The following FARS2 variants were observed in gnomAD, a reference collection of about 807,000 sequenced individuals.
The protein encoded by FARS2 is phenylalanyl-tRNA synthetase 2, mitochondrial.
FARS2 carries 40 observed loss-of-function variants against 46.4 expected under a neutral mutation model. That is an observed-to-expected ratio of 0.86 (90% CI 0.67 to 1.12). FARS2 has a LOEUF of 1.12. Ranked by LOEUF, FARS2 falls within the 50% of genes most tolerant of loss-of-function variation. The pLI, the probability that FARS2 is intolerant of heterozygous loss-of-function variation, is 0.00. For synonymous variants in FARS2, 234 were observed against 214.9 expected, an observed-to-expected ratio of 1.09 and a Z score of -0.78; for missense variants, 513 against 567.9, an observed-to-expected ratio of 0.90 and a Z score of 0.98.
chr6:5,322,555 A>G (rs530036640), intron 1 of FARS2, among the ~76,000 whole-genome samples: 3 of 152,278 alleles, frequency 2.0e-5, no homozygotes, highest in Admixed American at 6.5e-5. Context: ...AAGCTTTAGC[A>G]TGTATTCTTT....
chr6:5,714,682 T>G (rs1759387397), intron 6 of FARS2, among the ~76,000 whole-genome samples: 1 of 152,060 alleles, frequency 6.6e-6, no homozygotes, highest in East Asian at 1.9e-4. Context: ...GCTGAAGAAA[T>G]GGGCACTCCT....
intron 4 of FARS2, among the ~76,000 whole-genome samples, chr6:5,438,578 A>G (rs1025217810): frequency 5.3e-5 from 8 of 151,140 alleles, no homozygotes; most frequent in Non-Finnish European, 1.2e-4. Context: ...GAATTCCTGT[A>G]TTTTCATTTC....
At chr6:5,769,236 T>C (rs928466004) in intron 6 of FARS2, among the ~76,000 whole-genome samples, 3 of 152,208 alleles carry the variant, frequency 2.0e-5, no homozygotes, top group South Asian at 4.1e-4. Context: ...GAAAAGACAT[T>C]TCCCCCTTGG....
intron 4 of FARS2, among the ~76,000 whole-genome samples, chr6:5,528,418 C>T (rs1554105244): frequency 6.6e-6 from 1 of 152,126 alleles, no homozygotes; most frequent in Non-Finnish European, 1.5e-5. Context: ...TTAAAGTGAC[C>T]TCTTCTTCTT....
intron 6 of FARS2, among the ~76,000 whole-genome samples, chr6:5,616,340 T>C (rs1008777411): frequency 3.9e-5 from 6 of 152,194 alleles, no homozygotes; most frequent in Admixed American, 6.5e-5. Context: ...GTTATTTACA[T>C]TTGAAGAGAA....
intron 5 of FARS2, among the ~76,000 whole-genome samples, chr6:5,579,082 A>G (rs1378946464): frequency 6.6e-6 from 1 of 152,198 alleles, no homozygotes; most frequent in East Asian, 1.9e-4. Context: ...ATAAACGTCC[A>G]TGTTAGTTTA....
Position 5,368,552 on chromosome 6 carries a change from C to A in FARS2, c.-19C>A. 1.9e-6 allele frequency: 3 copies of A among 1,589,590 alleles called. No individual in the cohort carries two copies. The highest frequency in any genetic ancestry group is 8.6e-7 in the Non-Finnish European group (1 of 1,166,568). On this transcript the variant is annotated splice_region_variant and 5_prime_UTR_variant, in exon 2 of 7. Transcript: ENST00000274680. The stretch of plus-strand genomic sequence containing the variant: ...CTTTGCCTGTGTGCTCTTTCCAGAA[C>A]CTGTGAGAAGTTTCTACAATGGTGG...
At chr6:5,331,600 A>T (rs1468795079) in intron 1 of FARS2, among the ~76,000 whole-genome samples, 1 of 152,214 alleles carries the variant, frequency 6.6e-6, no homozygotes, top group African/African-American at 2.4e-5. Context: ...GACATGTGTA[A>T]GGGAGAGCTG....
chr6:5,254,305 T>C, the FARS2 span, among the ~76,000 whole-genome samples: 1 of 152,130 alleles, frequency 6.6e-6, no homozygotes, highest in African/African-American at 2.4e-5. Context: ...CTCGACAACT[T>C]TTTGTAGGGA....
rs34285103 is a variant in FARS2 at position 5,267,159 on chromosome 6, TAAA to T, written c.-22+5509_-22+5511del. On this transcript the variant is annotated intron_variant, in intron 1 of 6. Coordinates refer to ENST00000274680, the MANE Select transcript of FARS2 (RefSeq NM_006567.5). ...AGTTATTTCTAGAGGTTTTTTTTCT[TAAA>T]AAAAAAAAACTCATTAATTCTTTTC... 4.3e-3 allele frequency among the ~76,000 whole-genome samples: 631 copies of T among 147,226 alleles called. 1 individual carries two copies. Among genetic ancestry groups the T allele is most frequent in the African/African-American group, 0.015 (595 of 40,348 alleles).
intron 4 of FARS2, among the ~76,000 whole-genome samples, chr6:5,544,454 G>A (rs556296259): frequency 6.6e-6 from 1 of 152,248 alleles, no homozygotes; most frequent in Non-Finnish European, 1.5e-5. Context: ...AAGCTTTCCT[G>A]CAGTGTGAAC....
intron 1 of FARS2, among the ~76,000 whole-genome samples, chr6:5,317,270 C>CA (rs1270243759): frequency 2.6e-5 from 4 of 152,124 alleles, no homozygotes; most frequent in African/African-American, 9.7e-5. Flanking sequence ...TAGTATTCGA[C>CA]AAAAAATCAC....
At position 5,461,267 on chromosome 6, in the gene FARS2, G is replaced by A. The variant is rs553290259; in HGVS notation, c.904+30095G>A. 8.6e-5 allele frequency among the ~76,000 whole-genome samples: 13 copies of A among 152,014 alleles called. No individual in the cohort carries two copies. In the East Asian group the frequency reaches 1.9e-3, roughly 23 times the overall value. On this transcript the variant is annotated intron_variant, in intron 4 of 6. Transcript: ENST00000274680. ...ATTGCCTAGGCTGGTCTTGAACACC[G>A]GAGCTCAGGTGATCCACCCACCTTG...
At chr6:5,325,299 TAGCATAGGTAAGGAAATTGCCAA>T (rs1770288133) in intron 1 of FARS2, among the ~76,000 whole-genome samples, 1 of 152,236 alleles carries the variant, frequency 6.6e-6, no homozygotes, top group Non-Finnish European at 1.5e-5. Flanking sequence ...CCAGCTTGCA[TAGCATAGGTAAGGAAATTGCCAA>T]AGCAATGCAT....
At chr6:5,677,436 G>T (rs987964521) in intron 6 of FARS2, among the ~76,000 whole-genome samples, 2 of 152,236 alleles carry the variant, frequency 1.3e-5, no homozygotes, top group African/African-American at 4.8e-5. Context: ...ACTTGGCAAT[G>T]AACCAGCGTA....
intron 5 of FARS2, among the ~76,000 whole-genome samples, chr6:5,598,513 G>T (rs1308978781): frequency 6.6e-6 from 1 of 152,174 alleles, no homozygotes; most frequent in Non-Finnish European, 1.5e-5. Context: ...TTTTCTGGAA[G>T]TATCAATCAA....
intron 4 of FARS2, among the ~76,000 whole-genome samples, chr6:5,537,305 G>T (rs1770265482): frequency 6.6e-6 from 1 of 152,348 alleles, no homozygotes; most frequent in Admixed American, 6.5e-5. Flanking sequence ...CAGACATCCT[G>T]TGCCTTTGAA....
At chr6:5,260,593 C>T, upstream of FARS2, 1 of 1,199,244 alleles carries the variant, frequency 8.3e-7, no homozygotes, top group Non-Finnish European at 1.2e-6. Flanking sequence ...AGCCCGCACC[C>T]CCGGTCCCCG....
At chr6:5,744,682 G>A (rs1761540181) in intron 6 of FARS2, among the ~76,000 whole-genome samples, 1 of 152,132 alleles carries the variant, frequency 6.6e-6, no homozygotes, top group South Asian at 2.1e-4. Context: ...GAGCCAAAAT[G>A]GATAAAGGCC....
Sources: gnomAD v4.1 joint callset for allele counts (sites outside exome capture counted in the v4.1 genomes callset) on GRCh38, gnomAD v4.1.1 for gene constraint, MANE v1.5 for transcripts, NCBI Gene and HGNC (gene_info 2026-07-23, HGNC 2026-07-21) for gene names.